CRB1: variants seen among roughly 807,000 people sequenced by gnomAD.
CRB1 encodes the protein crumbs cell polarity complex component 1.
Under a neutral mutation model 120.0 loss-of-function variants are expected in CRB1, and 83 were observed. The ratio of observed to expected loss-of-function variants is 0.69; its 90% CI spans 0.58 to 0.83. The LOEUF (loss-of-function observed/expected upper bound fraction) is 0.83. Ranked by LOEUF, CRB1 falls within the 40% of genes least tolerant of loss-of-function variation. The pLI is 0.00. For synonymous variants in CRB1, 625 were observed against 612.5 expected, an observed-to-expected ratio of 1.02 and a Z score of -0.30; for missense variants, 1,699 against 1,687.6, an observed-to-expected ratio of 1.01 and a Z score of -0.12.
At position 197,457,440 on chromosome 1, in the gene CRB1, C is replaced by T. The variant is rs754992260; in HGVS notation, c.4005+15148C>T. 2.8e-4 allele frequency among the ~76,000 whole-genome samples: 43 copies of T among 152,176 alleles called. 1 individual carries two copies. The Middle Eastern group carries it at 0.017, about 60-fold the overall frequency. ...AAGTTGGAGCCACGCTTTCAGATCC[C>T]GGAGCATCTGCATCTATTACCAATT... On this transcript the variant is annotated intron_variant, in intron 11 of 11. Transcript: ENST00000367400.
intron 11 of CRB1, among the ~76,000 whole-genome samples, chr1:197,467,847 C>G (rs891643727): frequency 6.6e-6 from 1 of 152,190 alleles, no homozygotes; most frequent in Non-Finnish European, 1.5e-5. Context: ...AAGTCATCAG[C>G]CTAGGAAAGG....
At chr1:197,429,078 C>A in intron 7 of CRB1, 1 of 1,503,344 alleles carries the variant, frequency 6.7e-7, no homozygotes, top group African/African-American at 1.4e-5. Context: ...CAACTGGAAA[C>A]ACCTTCTTTT....
chr1:197,426,836 A>T (rs1465603632), intron 6 of CRB1, among the ~76,000 whole-genome samples: 1 of 152,144 alleles, frequency 6.6e-6, no homozygotes, highest in African/African-American at 2.4e-5. Context: ...CTGTTGTCCC[A>T]ATTTATGTTA....
chr1:197,202,651 A>C, the CRB1 span, among the ~76,000 whole-genome samples: 1 of 152,300 alleles, frequency 6.6e-6, no homozygotes, highest in East Asian at 1.9e-4. Flanking sequence ...ATATAAATCC[A>C]AAGAAATAGA....
chr1:197,454,900 A>C (rs1373978529), intron 11 of CRB1, among the ~76,000 whole-genome samples: 1 of 152,178 alleles, frequency 6.6e-6, no homozygotes, highest in Non-Finnish European at 1.5e-5. Flanking sequence ...ACTAAAATAT[A>C]CACAAAAAAG....
intron 11 of CRB1, among the ~76,000 whole-genome samples, chr1:197,457,520 T>C (rs1666336714): frequency 1.3e-5 from 2 of 152,094 alleles, no homozygotes; most frequent in Non-Finnish European, 2.9e-5. Context: ...CTGAGAGCTA[T>C]AGGAAGGTGG....
chr1:197,293,433 A>C (rs531725642), intron 1 of CRB1, among the ~76,000 whole-genome samples: 135 of 152,300 alleles, frequency 8.9e-4, no homozygotes, highest in African/African-American at 3.0e-3. Context: ...AAATGAAAGA[A>C]CATTCCATGC....
chr1:197,385,403 C>G lies in CRB1; in HGVS notation c.1171+28390C>G, dbSNP rs114069609. On this transcript the variant is annotated intron_variant, in intron 5 of 11. Coordinates refer to ENST00000367400, the MANE Select transcript of CRB1 (RefSeq NM_201253.3). ...GATATTCTATCAGGAAACTATATGT[C>G]TAATATGTAAGAATATATGTCTAAT... Among the ~76,000 whole-genome samples, 1,298 of 152,066 alleles carry G rather than the reference C, an allele frequency of 8.5e-3. 19 individuals carry two copies. The highest frequency in any genetic ancestry group is 0.03 in the African/African-American group (1,257 of 41,494).
chr1:197,255,996 T>TACAC, the CRB1 span, among the ~76,000 whole-genome samples: 163 of 116,692 alleles, frequency 1.4e-3, 2 homozygotes, highest in African/African-American at 4.6e-3. Context: ...TATATATATA[T>TACAC]ACACTACAAT....
chr1:197,222,822 A>G, the CRB1 span: 3 of 1,510,546 alleles, frequency 2.0e-6, no homozygotes, highest in Non-Finnish European at 2.8e-6. Context: ...GCATCTAGCC[A>G]AGGATCATTC....
At chr1:197,291,678 T>C (rs959500235) in intron 1 of CRB1, among the ~76,000 whole-genome samples, 2 of 151,900 alleles carry the variant, frequency 1.3e-5, no homozygotes, top group Non-Finnish European at 2.9e-5. Flanking sequence ...GTCCTTAGCA[T>C]GCATAGTGCT....
chr1:197,438,889 G>A, intron 10 of CRB1: 1 of 471,790 alleles, frequency 2.1e-6, no homozygotes, highest in Non-Finnish European at 3.8e-6. Context: ...CTTCAAATAG[G>A]GAAAAATGAT....
intron 1 of CRB1, among the ~76,000 whole-genome samples, chr1:197,314,503 T>C (rs908239439): frequency 1.3e-5 from 2 of 152,170 alleles, no homozygotes; most frequent in Non-Finnish European, 2.9e-5. Flanking sequence ...ATATTTATAC[T>C]TTTTTCTTGA....
intron 5 of CRB1, among the ~76,000 whole-genome samples, chr1:197,401,999 T>C (rs1469714464): frequency 2.0e-5 from 3 of 152,182 alleles, no homozygotes; most frequent in Middle Eastern, 6.8e-3. Context: ...TTTCCTTGTA[T>C]CCACAGTTAA....
At chr1:197,219,891 T>C in the CRB1 span, among the ~76,000 whole-genome samples, 8 of 152,260 alleles carry the variant, frequency 5.3e-5, no homozygotes, top group Non-Finnish European at 1.0e-4. Context: ...TCAGTGGCAC[T>C]CACTGTCTTA....
At chr1:197,268,541 T>A in intron 1 of CRB1, 59 bp downstream of exon 1, 1 of 1,191,002 alleles carries the variant, frequency 8.4e-7, no homozygotes. Flanking sequence ...TTATATTTCT[T>A]ACAAATAATG....
At chr1:197,323,827 G>A (rs746935325) in intron 1 of CRB1, among the ~76,000 whole-genome samples, 5 of 152,120 alleles carry the variant, frequency 3.3e-5, no homozygotes, top group Non-Finnish European at 7.4e-5. Flanking sequence ...CTGTGCTTAG[G>A]TGTGTAGGCT....
chr1:197,398,277 C>T (rs1662873356), intron 5 of CRB1, among the ~76,000 whole-genome samples: 1 of 152,158 alleles, frequency 6.6e-6, no homozygotes, highest in South Asian at 2.1e-4. Flanking sequence ...ATTGGTGCTG[C>T]TTAGATTCCC....
intron 11 of CRB1, among the ~76,000 whole-genome samples, chr1:197,455,536 T>A (rs889367820): frequency 6.6e-6 from 1 of 152,158 alleles, no homozygotes; most frequent in Non-Finnish European, 1.5e-5. Context: ...TTTTCTTTTA[T>A]AACTTACATT....
Sources: gnomAD v4.1 joint callset for allele counts (sites outside exome capture counted in the v4.1 genomes callset) on GRCh38, gnomAD v4.1.1 for gene constraint, MANE v1.5 for transcripts, NCBI Gene and HGNC (gene_info 2026-07-23, HGNC 2026-07-21) for gene names.